Variants in DPYD observed in about 807,000 individuals in gnomAD.
The protein encoded by DPYD is dihydropyrimidine dehydrogenase.
In DPYD, 109 loss-of-function variants were observed where a neutral mutation model predicts 116.2. That is an observed-to-expected ratio of 0.94 (90% CI 0.80 to 1.10). DPYD has a LOEUF of 1.10. DPYD is among the 50% of genes least tolerant of loss of function. DPYD has a pLI of 0.00. For missense variants in DPYD, 1,302 were observed against 1,254.5 expected (o/e 1.04, Z -0.57); for synonymous variants, 440 against 432.0 (o/e 1.02, Z -0.23).
intron 20 of DPYD, among the ~76,000 whole-genome samples, chr1:97,182,448 C>T (rs1174607822): frequency 6.6e-6 from 1 of 151,934 alleles, no homozygotes; most frequent in Non-Finnish European, 1.5e-5. Context: ...TGAACTAAAA[C>T]AATAAAAAAT....
At chr1:97,090,478 C>A (rs1039071583) in intron 21 of DPYD, among the ~76,000 whole-genome samples, 3 of 152,126 alleles carry the variant, frequency 2.0e-5, no homozygotes, top group African/African-American at 7.2e-5. Context: ...ATGCTTGAAA[C>A]CTCATAAGTA....
Position 97,709,880 on chromosome 1 carries a change from C to T in DPYD, c.484-10333G>A, listed in dbSNP as rs1571228010. On this transcript the variant is annotated intron_variant, in intron 5 of 22. Transcript: ENST00000370192. ...GATAGCTGTAATTATTCCTCAATTA[C>T]TCTGTTTGTTCTAATTAACCAAACA... Among the ~76,000 whole-genome samples the T allele has an allele frequency of 4.0e-5, 6 of 151,834 alleles. No homozygotes were observed. In the South Asian group the frequency reaches 1.2e-3, roughly 31 times the overall value.
chr1:97,488,513 T>C (rs865874555), intron 13 of DPYD, among the ~76,000 whole-genome samples: 3 of 152,194 alleles, frequency 2.0e-5, no homozygotes, highest in South Asian at 4.1e-4. Flanking sequence ...GTAAGTTTAA[T>C]CTGTACTTCA....
intron 16 of DPYD, among the ~76,000 whole-genome samples, chr1:97,343,370 T>C (rs1004374036): frequency 7.9e-5 from 12 of 152,126 alleles, no homozygotes; most frequent in Admixed American, 7.9e-4. Flanking sequence ...CAAGTCAGTA[T>C]GAGGGTCTCT....
intron 10 of DPYD, among the ~76,000 whole-genome samples, chr1:97,582,480 C>T (rs553162896): frequency 1.3e-5 from 2 of 152,310 alleles, no homozygotes; most frequent in African/African-American, 2.4e-5. Flanking sequence ...CCCATTCACA[C>T]TTGATCTCAT....
intron 21 of DPYD, among the ~76,000 whole-genome samples, chr1:97,098,159 C>T (rs1287732903): frequency 6.6e-6 from 1 of 151,968 alleles, no homozygotes; most frequent in Non-Finnish European, 1.5e-5. Context: ...TACAAGATAT[C>T]TTGGAGTTAA....
In DPYD at chr1:97,176,868, A is replaced by ATGTGTGTGTGTGTGTGTGTGTGTG. The variant is rs10677535; in HGVS notation, c.2622+16177_2622+16200dup. Among the ~76,000 whole-genome samples, 321 of 146,662 alleles carry ATGTGTGTGTGTGTGTGTGTGTGTG rather than the reference A, an allele frequency of 2.2e-3. 1 individual carries two copies. The highest frequency in any genetic ancestry group is 0.011 in the Middle Eastern group (3 of 282). Reference sequence around the variant, plus strand: ...ATACCAGTATTCAAGGGACAAAAAAATGTGTGTGTGTGTGTGTGTGTGTGT... The same window carrying ATGTGTGTGTGTGTGTGTGTGTGTG: ...ATACCAGTATTCAAGGGACAAAAAAATGTGTGTGTGTGTGTGTGTGTGTGTGTGTGTGTGTGTGTGTGTGTGTGT... On this transcript the variant is annotated intron_variant, in intron 20 of 22. Coordinates refer to ENST00000370192, the MANE Select transcript of DPYD (RefSeq NM_000110.4).
chr1:97,698,692 G>T lies in DPYD; in HGVS notation c.680+659C>A, dbSNP rs1162519408. 4.0e-5 allele frequency among the ~76,000 whole-genome samples: 6 copies of T among 151,696 alleles called. No homozygotes were observed. The South Asian group carries it at 1.3e-3, about 32-fold the overall frequency. On this transcript the variant is annotated intron_variant, in intron 6 of 22. Transcript: ENST00000370192. ...AGTTACCATCCAAATTCTTTATTTT[G>T]TATAAAATGTTTTAAGCAATATCTA...
chr1:97,370,354 A>G (rs770865043), intron 16 of DPYD, among the ~76,000 whole-genome samples: 1 of 152,184 alleles, frequency 6.6e-6, no homozygotes. Flanking sequence ...CATAAATGGG[A>G]GTTGAACAAC....
At chr1:97,290,157 G>T (rs980222297) in intron 18 of DPYD, among the ~76,000 whole-genome samples, 2 of 152,116 alleles carry the variant, frequency 1.3e-5, no homozygotes, top group African/African-American at 4.8e-5. Context: ...TCTTCAAGGA[G>T]AACTACAAAC....
At chr1:97,738,449 A>C (rs1204177107) in intron 4 of DPYD, among the ~76,000 whole-genome samples, 1 of 152,144 alleles carries the variant, frequency 6.6e-6, no homozygotes, top group African/African-American at 2.4e-5. Context: ...AGCCTAACAC[A>C]ATACAAAACA....
intron 5 of DPYD, among the ~76,000 whole-genome samples, chr1:97,705,312 G>A (rs1306589157): frequency 2.0e-5 from 3 of 151,966 alleles, no homozygotes; most frequent in African/African-American, 7.3e-5. Context: ...TCCCCGGTGT[G>A]TGGTGTTCCC....
chr1:97,786,413 G>A (rs183839317), intron 3 of DPYD, among the ~76,000 whole-genome samples: 2 of 152,214 alleles, frequency 1.3e-5, no homozygotes, highest in African/African-American at 4.8e-5. Context: ...CCTTACAAAT[G>A]ATTTTTTTTA....
chr1:97,432,053 C>T lies in DPYD; in HGVS notation c.1905+18006G>A, dbSNP rs898085205. On this transcript the variant is annotated intron_variant, in intron 14 of 22. Transcript: ENST00000370192. ...AAATGATAGAATTTCATTCTTTCTA[C>T]GGCTGAAAAATATTCCATTGTGTAT... 7.2e-5 allele frequency among the ~76,000 whole-genome samples: 11 copies of T among 152,102 alleles called. No individual in the cohort carries two copies. In the East Asian group the frequency reaches 7.7e-4, roughly 11 times the overall value.
chr1:97,121,938 G>A (rs1255325628), intron 20 of DPYD, among the ~76,000 whole-genome samples: 1 of 152,138 alleles, frequency 6.6e-6, no homozygotes, highest in Non-Finnish European at 1.5e-5. Context: ...AGTAGATTAT[G>A]ATCTAGGGAA....
At chr1:97,526,906 A>T (rs1649143959) in intron 12 of DPYD, among the ~76,000 whole-genome samples, 1 of 152,140 alleles carries the variant, frequency 6.6e-6, no homozygotes, top group Non-Finnish European at 1.5e-5. Context: ...AGATCCAGTG[A>T]TAAGTATTTT....
At chr1:97,905,486 A>G (rs968681709) in intron 1 of DPYD, among the ~76,000 whole-genome samples, 2 of 152,040 alleles carry the variant, frequency 1.3e-5, no homozygotes, top group African/African-American at 2.4e-5. Context: ...GAATCCCAAA[A>G]CCAATTCCAG....
intron 1 of DPYD, among the ~76,000 whole-genome samples, chr1:97,919,360 T>C (rs1274918837): frequency 1.3e-5 from 2 of 152,190 alleles, no homozygotes; most frequent in East Asian, 3.8e-4. Flanking sequence ...GTTGAAACAA[T>C]ATATGAAATC....
intron 13 of DPYD, among the ~76,000 whole-genome samples, chr1:97,486,637 A>G (rs1453946947): frequency 6.6e-6 from 1 of 152,154 alleles, no homozygotes; most frequent in Non-Finnish European, 1.5e-5. Flanking sequence ...ATGGGAAGGT[A>G]TATCACTGTT....
Sources: gnomAD v4.1 joint callset for allele counts (sites outside exome capture counted in the v4.1 genomes callset) on GRCh38, gnomAD v4.1.1 for gene constraint, MANE v1.5 for transcripts, NCBI Gene and HGNC (gene_info 2026-07-23, HGNC 2026-07-21) for gene names.